Variants in FOXR1 observed in about 807,000 individuals in gnomAD.
FOXR1 encodes the protein forkhead box protein R1.
In FOXR1, 25 loss-of-function variants were observed where a neutral mutation model predicts 34.5. The observed-to-expected ratio is 0.72, with a 90% CI of 0.53 to 1.01. The LOEUF is 1.01. FOXR1 is among the 50% of genes least tolerant of loss of function. The probability of loss-of-function intolerance (pLI) is 0.00; values close to 1 mark genes in which losing one functional copy is unlikely to be tolerated. For synonymous variants in FOXR1, 153 were observed against 141.6 expected (o/e 1.08, Z -0.57); for missense variants, 373 against 376.2 (o/e 0.99, Z 0.07).
chr11:118,975,990 C>T (rs1941775254), intron 1 of FOXR1, among the ~76,000 whole-genome samples: 1 of 152,154 alleles, frequency 6.6e-6, no homozygotes, highest in South Asian at 2.1e-4. Context: ...TGCGCCAAAA[C>T]CATAATTCAG....
At chr11:118,979,373 C>CT in intron 3 of FOXR1, 69 bp from the exon 4 acceptor site, 2 of 1,487,888 alleles carry the variant, frequency 1.3e-6, no homozygotes, top group South Asian at 2.7e-5. Context: ...ACCACCCCCC[C>CT]TTCCTGCCAC....
Position 118,972,130 on chromosome 11 carries a change from C to A in FOXR1, c.61+138C>A, listed in dbSNP as rs1477732713. 2.4e-5 allele frequency: 6 copies of A among 247,792 alleles called. No individual in the cohort carries two copies. The African/African-American group carries it at 3.2e-4, about 13-fold the overall frequency. 15.3% of individuals were successfully genotyped at this position (247,792 alleles called of 1,614,324 possible). On this transcript the variant is annotated intron_variant, in intron 1 of 5. Coordinates refer to ENST00000317011, the MANE Select transcript of FOXR1 (RefSeq NM_181721.3). Reference sequence around the variant, plus strand: ...GGCTTGGGGGGCCGAGCGCCCCGCGCCCCCCCCCCCCGACGGCTTAGCTCC... The same window carrying A: ...GGCTTGGGGGGCCGAGCGCCCCGCGACCCCCCCCCCCGACGGCTTAGCTCC...
chr11:118,972,613 CTT>C (rs796683351), intron 1 of FOXR1, among the ~76,000 whole-genome samples: 1 of 76,964 alleles, frequency 1.3e-5, no homozygotes, highest in East Asian at 2.6e-4. Flanking sequence ...TGGATTAACT[CTT>C]TTTTTTTTTT....
At chr11:118,980,218 T>G (rs997706410) in intron 4 of FOXR1, 1 of 642,458 alleles carries the variant, frequency 1.6e-6, no homozygotes, top group African/African-American at 1.8e-5. Context: ...CAACCAAGAT[T>G]CCTCTTACAG....
In FOXR1 at chr11:118,974,405, A is replaced by G. The variant is rs1424821502; in HGVS notation, c.61+2413A>G. 4.6e-5 allele frequency among the ~76,000 whole-genome samples: 7 copies of G among 151,980 alleles called. No individual in the cohort carries two copies. In the South Asian group the frequency reaches 1.0e-3, roughly 23 times the overall value. On this transcript the variant is annotated intron_variant, in intron 1 of 5. Transcript: ENST00000317011. ...TATTTGTAGAGATGGGGATCTCCCT[A>G]TGTTGCCCAGGCTGGTCTTGAACTC...
chr11:118,978,756 ACT>A (rs781971219), intron 1 of FOXR1, 24 bp from the exon 2 acceptor site: 4 of 1,612,306 alleles, frequency 2.5e-6, no homozygotes, highest in African/African-American at 2.7e-5. Context: ...GGATGTTTTG[ACT>A]CTCTCTGTCT....
At chr11:118,973,546 C>T (rs569399452) in intron 1 of FOXR1, among the ~76,000 whole-genome samples, 5 of 151,910 alleles carry the variant, frequency 3.3e-5, no homozygotes, top group African/African-American at 9.7e-5. Flanking sequence ...ACTACAGGCA[C>T]GCGCTACCAT....
chr11:118,980,721 C>T lies in FOXR1; in HGVS notation c.843C>T (p.Ser281=). The T allele has an allele frequency of 6.2e-7, 1 of 1,611,658 alleles. No individual in the cohort carries two copies. Among genetic ancestry groups the T allele is most frequent in the Non-Finnish European group, 8.5e-7 (1 of 1,179,524 alleles). ...TAGAAAGTATCCAACAGTGCATGAG[C>T]CAGCCAGGTGTGAAGACTTGTTGTG... The part of the protein sequence containing the change: ...TRLESIQQCM[S]QPDVMPFLFD... The change falls in exon 5 of 6, where the codon AGC becomes AGT. Residue 281 remains serine (S), a synonymous_variant. Coordinates refer to ENST00000317011, the MANE Select transcript of FOXR1 (RefSeq NM_181721.3).
rs1260822322 is a variant in FOXR1, at chr11:118,971,815, G to A, written c.-117G>A. On this transcript the variant is annotated 5_prime_UTR_variant, in exon 1 of 6. Coordinates refer to ENST00000317011, the MANE Select transcript of FOXR1 (RefSeq NM_181721.3). Reference sequence around the variant, plus strand: ...TCCTCAGCCGCCGCGCTCCCACTCCGCGTCCCCACTCCGCGCCGCCGCGCC... The same window carrying A: ...TCCTCAGCCGCCGCGCTCCCACTCCACGTCCCCACTCCGCGCCGCCGCGCC... 3 of 1,126,668 alleles carry A rather than the reference G, an allele frequency of 2.7e-6. No individual in the cohort carries two copies. The highest frequency in any genetic ancestry group is 1.3e-5 in the South Asian group (1 of 75,366). 69.8% of individuals were successfully genotyped at this position (1,126,668 alleles called of 1,614,324 possible).
chr11:118,974,127 G>A (rs1941750680), intron 1 of FOXR1, among the ~76,000 whole-genome samples: 1 of 152,196 alleles, frequency 6.6e-6, no homozygotes, highest in South Asian at 2.1e-4. Flanking sequence ...GGTCAGTAAG[G>A]CTGGATGACA....
Position 118,979,111 on chromosome 11 carries a change from C to T in FOXR1, c.291C>T (p.Cys97=). ...QPPQKEEDAS[C]SEAAGVESLS... ...CCCAGAAGGAGGAAGATGCCAGCTG[C>T]TCAGAGGCCGCAGGGGTGGAATCAC... The change falls in exon 3 of 6, where the codon TGC becomes TGT. Residue 97 remains cysteine (C), a synonymous_variant. Transcript: ENST00000317011. The T allele has an allele frequency of 6.2e-7, 1 of 1,607,268 alleles. No individual in the cohort carries two copies.
intron 1 of FOXR1, among the ~76,000 whole-genome samples, chr11:118,973,672 G>A (rs1442239199): frequency 6.6e-6 from 1 of 151,440 alleles, no homozygotes; most frequent in Non-Finnish European, 1.5e-5. Flanking sequence ...TAGAATTACA[G>A]GTGTGAGCCA....
At chr11:118,973,030 C>T (rs554672897) in intron 1 of FOXR1, among the ~76,000 whole-genome samples, 7 of 152,222 alleles carry the variant, frequency 4.6e-5, no homozygotes, top group African/African-American at 1.7e-4. Flanking sequence ...AAATTCAGAC[C>T]TGATTCATTA....
rs76133967 is a variant in FOXR1 at position 118,972,568 on chromosome 11, C to T, written c.61+576C>T. Among the ~76,000 whole-genome samples, 1,099 of 151,976 alleles carry T rather than the reference C, an allele frequency of 7.2e-3. 14 individuals carry two copies. Among genetic ancestry groups the T allele is most frequent in the South Asian group, 0.027 (130 of 4,812 alleles). On this transcript the variant is annotated intron_variant, in intron 1 of 5. Coordinates refer to ENST00000317011, the MANE Select transcript of FOXR1 (RefSeq NM_181721.3). Reference sequence around the variant, plus strand: ...TGTGGAGAGTTGACATAATTACTCCCCACATTCATGGTACCTTTTCGCCTG... The same window carrying T: ...TGTGGAGAGTTGACATAATTACTCCTCACATTCATGGTACCTTTTCGCCTG...
chr11:118,972,046 G>A, intron 1 of FOXR1, 54 bp downstream of exon 1: 2 of 1,430,938 alleles, frequency 1.4e-6, no homozygotes, highest in Non-Finnish European at 1.9e-6. Flanking sequence ...GGGTGGCCTA[G>A]GGGCTCGCGG....
Position 118,971,797 on chromosome 11 carries a change from C to T in FOXR1, c.-135C>T. ...GGCGCCTGTGAGGGTCGCTCCTCAG[C>T]CGCCGCGCTCCCACTCCGCGTCCCC... On this transcript the variant is annotated 5_prime_UTR_variant, in exon 1 of 6. Transcript: ENST00000317011. The T allele has an allele frequency of 1.1e-6, 1 of 913,122 alleles. No individual in the cohort carries two copies. Among genetic ancestry groups the T allele is most frequent in the East Asian group, 2.7e-5 (1 of 37,700 alleles). 56.6% of individuals were successfully genotyped at this position (913,122 alleles called of 1,614,324 possible). A position where few individuals can be genotyped will look rare whatever the true frequency, so the allele number is the denominator to read the frequency against.
chr11:118,979,229 G>T (rs782213316), intron 3 of FOXR1, 25 bp downstream of exon 3: 3 of 1,513,976 alleles, frequency 2.0e-6, no homozygotes, highest in Non-Finnish European at 1.8e-6. Context: ...GGATGGGAGT[G>T]GGACTTGGGC....
At position 118,980,670 on chromosome 11, in the gene FOXR1, G is replaced by A; in HGVS notation, c.792G>A (p.Glu264=). The A allele has an allele frequency of 6.2e-7, 1 of 1,613,756 alleles. No individual in the cohort carries two copies. Residue 264 remains glutamate (E), a synonymous_variant, in exon 5 of 6, where the codon GAG becomes GAA. Coordinates refer to ENST00000317011, the MANE Select transcript of FOXR1 (RefSeq NM_181721.3). ...TEEGHRRFAE[E]ARALASTRLE... is the part of the protein sequence containing the mutation. ...AGGGACACCGCCGCTTTGCGGAGGA[G>A]GCCCGCGCCTTGGCTTCCACTCGGC...
chr11:118,974,247 G>A (rs1037236124), intron 1 of FOXR1, among the ~76,000 whole-genome samples: 32 of 152,218 alleles, frequency 2.1e-4, no homozygotes, highest in Non-Finnish European at 3.1e-4. Context: ...TTTTGTTTGA[G>A]ATGGACTCTT....
Sources: allele counts gnomAD v4.1 joint callset (sites outside exome capture counted in the v4.1 genomes callset), GRCh38; gene constraint gnomAD v4.1.1; transcripts MANE v1.5; gene names NCBI Gene and HGNC (gene_info 2026-07-23, HGNC 2026-07-21).